WDR19: variants seen among roughly 807,000 people sequenced by gnomAD.
The protein encoded by WDR19 is WD repeat domain 19.
Under a neutral mutation model 180.0 loss-of-function variants are expected in WDR19, and 121 were observed. The ratio of observed to expected loss-of-function variants is 0.67; its 90% CI spans 0.58 to 0.78. The LOEUF is 0.78. WDR19 is among the 30% of genes least tolerant of loss of function. WDR19 has a pLI of 0.00. For missense variants in WDR19, 1,450 were observed against 1,640.7 expected, an observed-to-expected ratio of 0.88 and a Z score of 2.01; for synonymous variants, 497 against 540.7, an observed-to-expected ratio of 0.92 and a Z score of 1.12.
chr4:39,255,914 A>C lies in WDR19; in HGVS notation c.3068A>C (p.Tyr1023Ser), dbSNP rs759424617. The change falls in exon 27 of 37, where the codon TAT (tyrosine) becomes TCT (serine). Residue 1023 changes from tyrosine (Y) to serine (S), a missense_variant. Transcript: ENST00000399820. ...IALYFEGEKR[Y>S]LQAGKFFLLC... is the part of the protein sequence containing the mutation. ...TTATACTTTGAAGGAGAAAAGAGAT[A>C]TCTTCAGGCTGGAAAATTCTTCTTG... is the stretch of plus-strand genomic sequence containing the variant. 45 of 1,608,802 alleles carry C rather than the reference A, an allele frequency of 2.8e-5. No homozygotes were observed. The highest frequency in any genetic ancestry group is 3.7e-5 in the Non-Finnish European group (44 of 1,177,612).
chr4:39,269,568 G>A (rs1443062960), intron 30 of WDR19, among the ~76,000 whole-genome samples: 3 of 152,164 alleles, frequency 2.0e-5, no homozygotes, highest in East Asian at 1.9e-4. Flanking sequence ...AAATCTGGCC[G>A]GTCACAATGG....
At chr4:39,182,798 C>A (rs1010738058) in intron 1 of WDR19, among the ~76,000 whole-genome samples, 9 of 152,046 alleles carry the variant, frequency 5.9e-5, no homozygotes, top group African/African-American at 2.2e-4. Context: ...TTGGGGACTG[C>A]AGACGCCGTA....
intron 15 of WDR19, among the ~76,000 whole-genome samples, chr4:39,227,002 G>A (rs1730336459): frequency 6.6e-6 from 1 of 152,018 alleles, no homozygotes; most frequent in Non-Finnish European, 1.5e-5. Context: ...GATTCTGACT[G>A]GTGTGCAATG....
chr4:39,234,641 A>G lies in WDR19; in HGVS notation c.2254-125A>G, dbSNP rs923489573. The stretch of plus-strand genomic sequence containing the variant: ...TACTATAGTAATATATTATCATTGT[A>G]AAGATCAAGTTTCATTATTTAAACA... On this transcript the variant is annotated intron_variant, in intron 19 of 36. Transcript: ENST00000399820. 19 of 695,726 alleles carry G rather than the reference A, an allele frequency of 2.7e-5. No individual in the cohort carries two copies. The Middle Eastern group carries it at 1.1e-3, about 39-fold the overall frequency. 43.1% of individuals were successfully genotyped at this position (695,726 alleles called of 1,614,324 possible).
rs1300821144 is a variant in WDR19 at position 39,199,498 on chromosome 4, A to T, written c.427A>T (p.Thr143Ser). The change falls in exon 6 of 37, where the codon ACT becomes TCT. Residue 143 changes from threonine to serine, a missense_variant. By Grantham distance (58) the Thr-to-Ser change is moderately conservative. Transcript: ENST00000399820. ...PVLGKHTKRI[T>S]CGCWNAENLL... ...TTCAGGAAAACATACTAAGAGAATCACTTGTGGATGTTGGAATGCAGAAAA... is the reference window on the plus strand; with the variant it reads ...TTCAGGAAAACATACTAAGAGAATCTCTTGTGGATGTTGGAATGCAGAAAA... The T allele has an allele frequency of 8.1e-6, 13 of 1,612,600 alleles. No homozygotes were observed. In the African/African-American group the frequency reaches 1.6e-4, roughly 20 times the overall value.
chr4:39,264,921 G>GT (rs10647012), intron 28 of WDR19, among the ~76,000 whole-genome samples: 124,747 of 141,992 alleles, frequency 0.88, 54,830 homozygotes, highest in East Asian at 0.98. Flanking sequence ...TGGAGATGAC[G>GT]TTTTTTTTTT....
chr4:39,268,340 A>T (rs1476498823), intron 30 of WDR19, among the ~76,000 whole-genome samples: 1 of 152,144 alleles, frequency 6.6e-6, no homozygotes, highest in African/African-American at 2.4e-5. Context: ...CCACAACCTC[A>T]GAGGTTCTGT....
intron 34 of WDR19, 80 bp from the exon 35 acceptor site, chr4:39,278,051 C>CAAAAAA: frequency 3.6e-6 from 4 of 1,106,360 alleles, no homozygotes; most frequent in Admixed American, 2.6e-5. Flanking sequence ...AAGATTCCGT[C>CAAAAAA]AAAAAAAAAA....
intron 32 of WDR19, chr4:39,274,350 A>G (rs1251767852): frequency 6.2e-6 from 1 of 160,018 alleles, no homozygotes; most frequent in Non-Finnish European, 1.4e-5. Context: ...TGCAGAAAGC[A>G]GTTTGGCAAT....
intron 6 of WDR19, among the ~76,000 whole-genome samples, chr4:39,202,899 G>A (rs2109293551): frequency 6.6e-6 from 1 of 151,968 alleles, no homozygotes; most frequent in Non-Finnish European, 1.5e-5. Flanking sequence ...CAAAGTTTAT[G>A]TGTGGAAATT....
At chr4:39,195,997 C>T (rs115350671) in intron 5 of WDR19, among the ~76,000 whole-genome samples, 12 of 152,212 alleles carry the variant, frequency 7.9e-5, no homozygotes, top group African/African-American at 2.9e-4. Flanking sequence ...GCACTGGAAG[C>T]AAAAGGGCTT....
At chr4:39,212,656 AAAGAT>A (rs1467314086) in intron 9 of WDR19, among the ~76,000 whole-genome samples, 1 of 152,194 alleles carries the variant, frequency 6.6e-6, no homozygotes, top group Non-Finnish European at 1.5e-5. Context: ...AATAAGATGA[AAAGAT>A]AAGCTGCAAA....
chr4:39,224,994 T>A lies in WDR19; in HGVS notation c.1590T>A (p.Val530=). 1 of 1,570,646 alleles carries A rather than the reference T, an allele frequency of 6.4e-7. No individual in the cohort carries two copies. Among genetic ancestry groups the A allele is most frequent in the Non-Finnish European group, 8.6e-7 (1 of 1,158,870 alleles). Residue 530 remains valine (V), a synonymous_variant, in exon 15 of 37, where the codon GTT becomes GTA. Transcript: ENST00000399820. ...CCGACCCAAATGGGACCAGATTAGT[T>A]TTCATTGATGAAAAAAGTGATGGAT... ...IFPDPNGTRL[V]FIDEKSDGFV... is the part of the protein sequence containing the mutation.
intron 3 of WDR19, among the ~76,000 whole-genome samples, chr4:39,187,308 T>C (rs1434177260): frequency 4.6e-5 from 7 of 151,368 alleles, no homozygotes; most frequent in Non-Finnish European, 7.4e-5. Flanking sequence ...TAGTCCCAGC[T>C]ACTTGGGAGG....
chr4:39,199,329 CTG>C (rs879401057), intron 5 of WDR19, 147 bp from the exon 6 acceptor site: 3 of 611,124 alleles, frequency 4.9e-6, no homozygotes, highest in Non-Finnish European at 8.4e-6. Flanking sequence ...TGGTAATAAA[CTG>C]TTTTAAATAA....
rs564558275 is a variant in WDR19, at chr4:39,182,874, C to T, written c.6+311C>T. On this transcript the variant is annotated intron_variant, in intron 1 of 36. Transcript: ENST00000399820. ...GAGCGGACTGGATCTAAAGATACCCCAGCTTCGCACGCGGAAAGAACTGGT... is the reference window on the plus strand; with the variant it reads ...GAGCGGACTGGATCTAAAGATACCCTAGCTTCGCACGCGGAAAGAACTGGT... Among the ~76,000 whole-genome samples the T allele has an allele frequency of 2.6e-5, 4 of 152,268 alleles. No homozygotes were observed. The South Asian group carries it at 8.3e-4, about 32-fold the overall frequency.
intron 1 of WDR19, 87 bp downstream of exon 1, chr4:39,182,650 T>C: frequency 6.4e-7 from 1 of 1,574,376 alleles, no homozygotes; most frequent in Admixed American, 1.8e-5. Flanking sequence ...TCTGTCCCTC[T>C]CCCTTCTGAG....
chr4:39,190,759 C>G (rs1358789706), intron 4 of WDR19, among the ~76,000 whole-genome samples: 1 of 152,230 alleles, frequency 6.6e-6, no homozygotes, highest in Non-Finnish European at 1.5e-5. Flanking sequence ...TACTGTCTAC[C>G]AATGTAAAGT....
Position 39,208,526 on chromosome 4 carries a change from G to A in WDR19, c.890+2790G>A, listed in dbSNP as rs73133656. Reference sequence around the variant, plus strand: ...TGTACCATGTTGGCAGGCTGGTTTCGAACTGACCTCAAGTGATCCACCCGC... The same window carrying A: ...TGTACCATGTTGGCAGGCTGGTTTCAAACTGACCTCAAGTGATCCACCCGC... On this transcript the variant is annotated intron_variant, in intron 9 of 36. Coordinates refer to ENST00000399820, the MANE Select transcript of WDR19 (RefSeq NM_025132.4). Among the ~76,000 whole-genome samples the A allele has an allele frequency of 8.7e-3, 1,321 of 151,792 alleles. 17 individuals are homozygous for A. The highest frequency in any genetic ancestry group is 0.03 in the African/African-American group (1,261 of 41,410).
Sources: allele counts gnomAD v4.1 joint callset (sites outside exome capture counted in the v4.1 genomes callset), GRCh38; gene constraint gnomAD v4.1.1; transcripts MANE v1.5; gene names NCBI Gene and HGNC (gene_info 2026-07-23, HGNC 2026-07-21).